The following LPIN2 variants were observed in gnomAD, a reference collection of about 807,000 sequenced individuals.
The protein encoded by LPIN2 is phosphatidate phosphatase LPIN2.
Under a neutral mutation model 111.4 loss-of-function variants are expected in LPIN2, and 55 were observed. That is an observed-to-expected ratio of 0.49 (90% CI 0.40 to 0.62). The LOEUF (loss-of-function observed/expected upper bound fraction) is 0.62. LPIN2 is among the 20% of genes least tolerant of loss of function. LPIN2 has a pLI of 0.00. For missense variants in LPIN2, 992 were observed against 1,112.1 expected (o/e 0.89, Z 1.54); for synonymous variants, 425 against 414.0 (o/e 1.03, Z -0.32).
At position 2,954,478 on chromosome 18, in the gene LPIN2, GGAGGGTGT is replaced by G; in HGVS notation, c.288+18_288+25del. The G allele has an allele frequency of 6.5e-7, 1 of 1,542,244 alleles. No homozygotes were observed. The highest frequency in any genetic ancestry group is 9.0e-7 in the Non-Finnish European group (1 of 1,114,672). On this transcript the variant is annotated intron_variant, in intron 3 of 19. Transcript: ENST00000677752. ...CCAGAGGCCTGAGCACACTGTGTAA[GGAGGGTGT>G]AACCCATGCAAACTTACATATTCTT...
chr18:2,999,864 T>C (rs140130077), intron 1 of LPIN2, among the ~76,000 whole-genome samples: 125 of 152,172 alleles, frequency 8.2e-4, no homozygotes, highest in African/African-American at 2.8e-3. Context: ...AATACCAGCC[T>C]GGGAAACACA....
At chr18:2,942,861 T>C (rs1334985992) in intron 4 of LPIN2, among the ~76,000 whole-genome samples, 4 of 152,198 alleles carry the variant, frequency 2.6e-5, no homozygotes, top group East Asian at 3.8e-4. Context: ...CGTGAGGCTA[T>C]AGTGGAGCGT....
chr18:2,937,571 AGTGCG>A, intron 7 of LPIN2, 116 bp downstream of exon 7: 1 of 591,228 alleles, frequency 1.7e-6, no homozygotes, highest in Non-Finnish European at 2.8e-6. Context: ...AAAAAAAAAA[AGTGCG>A]ACGGGTTTCG....
intron 4 of LPIN2, among the ~76,000 whole-genome samples, chr18:2,949,791 C>T (rs1052613059): frequency 1.3e-5 from 2 of 152,084 alleles, no homozygotes; most frequent in Admixed American, 6.5e-5. Context: ...TTATAATATA[C>T]TAATACTACA....
intron 1 of LPIN2, among the ~76,000 whole-genome samples, chr18:2,962,584 C>T (rs2077730222): frequency 6.6e-6 from 1 of 151,932 alleles, no homozygotes; most frequent in African/African-American, 2.4e-5. Context: ...ATATAACATC[C>T]CATTATGTTT....
intron 1 of LPIN2, among the ~76,000 whole-genome samples, chr18:2,999,307 G>A (rs1328157179): frequency 6.6e-6 from 1 of 152,086 alleles, no homozygotes; most frequent in Non-Finnish European, 1.5e-5. Flanking sequence ...ATAAAAAGAG[G>A]AAATCTGGTC....
At chr18:2,993,222 GAAGA>G (rs770973447) in intron 1 of LPIN2, among the ~76,000 whole-genome samples, 16 of 150,934 alleles carry the variant, frequency 1.1e-4, no homozygotes, top group Admixed American at 3.3e-4. Context: ...GAAGAAGAAA[GAAGA>G]AAGAAAAAAG....
chr18:2,919,817 T>C lies in LPIN2; in HGVS notation c.*476A>G. 4.8e-6 allele frequency: 1 copy of C among 209,992 alleles called. No homozygotes were observed. The highest frequency in any genetic ancestry group is 1.3e-4 in the East Asian group (1 of 7,888). 13.0% of individuals were successfully genotyped at this position (209,992 alleles called of 1,614,324 possible). On this transcript the variant is annotated 3_prime_UTR_variant, in exon 20 of 20. Coordinates refer to ENST00000677752, the MANE Select transcript of LPIN2 (RefSeq NM_001375808.2). ...AAATGAGGCGACCAGAGAAGAAACG[T>C]GCACAGGCAGCTTCAGCCAGCATCA...
intron 5 of LPIN2, among the ~76,000 whole-genome samples, chr18:2,940,145 G>A (rs2077348637): frequency 1.6e-5 from 2 of 127,916 alleles, no homozygotes; most frequent in African/African-American, 5.8e-5. Flanking sequence ...GGGCAAAATA[G>A]CGAGACTCTG....
rs2077118081 is a variant in LPIN2, at chr18:2,925,520, T to C, written c.1794-152A>G. Reference sequence around the variant, plus strand: ...TGCCATTCTCCCATATCCACAGCTCTGTACGCCTGAAATATTCATATTGTT... The same window carrying C: ...TGCCATTCTCCCATATCCACAGCTCCGTACGCCTGAAATATTCATATTGTT... On this transcript the variant is annotated intron_variant, in intron 13 of 19. Coordinates refer to ENST00000677752, the MANE Select transcript of LPIN2 (RefSeq NM_001375808.2). The surrounding 1 kb of genome is among the most constrained non-coding windows in gnomAD (Gnocchi z 4.1). 4 of 1,037,680 alleles carry C rather than the reference T, an allele frequency of 3.9e-6. No homozygotes were observed. Among genetic ancestry groups the C allele is most frequent in the Non-Finnish European group, 5.8e-6 (4 of 694,176 alleles). The allele number at this position is 1,037,680 out of a possible 1,614,324, so 64.3% of individuals were successfully genotyped here. A position where few individuals can be genotyped will look rare whatever the true frequency, so the allele number is the denominator to read the frequency against.
intron 1 of LPIN2, among the ~76,000 whole-genome samples, chr18:2,973,111 G>A (rs1332987301): frequency 1.3e-5 from 2 of 152,030 alleles, no homozygotes; most frequent in Non-Finnish European, 2.9e-5. Context: ...AAAAATTCCA[G>A]CTAAATGTTC....
intron 1 of LPIN2, chr18:2,991,165 G>A (rs1238907669): frequency 3.3e-6 from 1 of 301,148 alleles, no homozygotes; most frequent in African/African-American, 2.1e-5. Context: ...GACTCTGGGT[G>A]TTTTCTTATC....
chr18:2,994,851 T>C (rs2078318048), intron 1 of LPIN2, among the ~76,000 whole-genome samples: 1 of 152,176 alleles, frequency 6.6e-6, no homozygotes, highest in Non-Finnish European at 1.5e-5. Context: ...ACCACTGGTT[T>C]AAACAGATGG....
At chr18:2,940,750 C>T (rs778470586) in intron 4 of LPIN2, 38 bp from the exon 5 acceptor site, 35 of 1,239,548 alleles carry the variant, frequency 2.8e-5, no homozygotes, top group Non-Finnish European at 3.9e-5. Context: ...GGAACGATGA[C>T]ATTCTTGTCA....
chr18:3,004,832 T>C lies in LPIN2; in HGVS notation c.-10+8255A>G, dbSNP rs572017848. On this transcript the variant is annotated intron_variant, in intron 1 of 19. Transcript: ENST00000677752. ...CAGTCTCAGCCCAGCGATATGCTCATGCTGTGAAACACAGGCCAAAGAACA... is the reference window on the plus strand; with the variant it reads ...CAGTCTCAGCCCAGCGATATGCTCACGCTGTGAAACACAGGCCAAAGAACA... Among the ~76,000 whole-genome samples, 19 of 152,282 alleles carry C rather than the reference T, an allele frequency of 1.2e-4. No individual in the cohort carries two copies. The South Asian group carries it at 2.7e-3, about 22-fold the overall frequency.
At chr18:2,962,791 T>G (rs553036014) in intron 1 of LPIN2, among the ~76,000 whole-genome samples, 1 of 152,254 alleles carries the variant, frequency 6.6e-6, no homozygotes, top group South Asian at 2.1e-4. Flanking sequence ...TGAATGGTGG[T>G]GGCAATGTTA....
rs2077024263 is a variant in LPIN2 at position 2,919,689 on chromosome 18, T to C, written c.*604A>G. ...GGATCTTTCCCCAAAGAGGGCCAGG[T>C]TTATGGGACTGGGCTCAGTGGCTCT... On this transcript the variant is annotated 3_prime_UTR_variant, in exon 20 of 20. Transcript: ENST00000677752. The C allele has an allele frequency of 6.4e-6, 1 of 157,226 alleles. No homozygotes were observed. Among genetic ancestry groups the C allele is most frequent in the Non-Finnish European group, 1.4e-5 (1 of 71,036 alleles). 9.7% of individuals were successfully genotyped at this position (157,226 alleles called of 1,614,324 possible).
At chr18:2,992,134 A>C (rs2078275505) in intron 1 of LPIN2, among the ~76,000 whole-genome samples, 1 of 152,250 alleles carries the variant, frequency 6.6e-6, no homozygotes. Context: ...TGTTCACGGC[A>C]GCATTATTCA....
chr18:3,003,993 G>A (rs916445822), intron 1 of LPIN2, among the ~76,000 whole-genome samples: 2 of 149,176 alleles, frequency 1.3e-5, no homozygotes, highest in East Asian at 3.9e-4. Context: ...GTCTATTAAC[G>A]GCCGCTCTGG....
Sources: gnomAD v4.1 joint callset for allele counts (sites outside exome capture counted in the v4.1 genomes callset) on GRCh38, gnomAD v4.1.1 for gene constraint, Gnocchi (gnomAD v3.1) non-coding constraint, MANE v1.5 for transcripts, NCBI Gene and HGNC (gene_info 2026-07-23, HGNC 2026-07-21) for gene names.